The following MED13 variants were observed in gnomAD, a reference collection of about 807,000 sequenced individuals.
MED13 encodes the protein mediator complex subunit 13.
A neutral mutation model predicts 225.2 loss-of-function variants in MED13; 23 were observed. That is an observed-to-expected ratio of 0.10 (90% CI 0.07 to 0.14). The LOEUF (loss-of-function observed/expected upper bound fraction) is 0.14, where lower values mean the gene tolerates loss of function less well. Among genes scored for constraint, MED13 ranks in the 10% least tolerant of loss-of-function variants. The pLI, the probability that MED13 is intolerant of heterozygous loss-of-function variation, is 1.00. For missense variants in MED13, 2,197 were observed against 2,594.5 expected, an observed-to-expected ratio of 0.85 and a Z score of 3.33; for synonymous variants, 942 against 889.2, an observed-to-expected ratio of 1.06 and a Z score of -1.06.
At chr17:61,975,496 AT>A (rs1174917521) in intron 16 of MED13, among the ~76,000 whole-genome samples, 1 of 152,222 alleles carries the variant, frequency 6.6e-6, no homozygotes, top group Admixed American at 6.5e-5. Context: ...TGAAACCCTC[AT>A]ATATTGCTGG....
At chr17:61,990,289 CATACACACACAT>C (rs2080284465) in intron 11 of MED13, among the ~76,000 whole-genome samples, 1 of 152,010 alleles carries the variant, frequency 6.6e-6, no homozygotes, top group Non-Finnish European at 1.5e-5. Context: ...ACTATATATA[CATACACACACAT>C]ATACACACAC....
intron 29 of MED13, 92 bp downstream of exon 29, chr17:61,946,825 A>G (rs1299078516): frequency 2.3e-6 from 3 of 1,284,666 alleles, no homozygotes; most frequent in Non-Finnish European, 3.4e-6. Context: ...ACAACTGTAA[A>G]TTCTTGCCAA....
chr17:62,029,789 ATCT>A (rs975988112), intron 7 of MED13, 59 bp downstream of exon 7: 7 of 1,530,090 alleles, frequency 4.6e-6, no homozygotes, highest in Admixed American at 4.0e-5. Context: ...TACTTTAGAT[ATCT>A]TCTAATTATA....
intron 3 of MED13, among the ~76,000 whole-genome samples, chr17:62,041,701 G>A (rs896419613): frequency 3.9e-5 from 6 of 152,032 alleles, no homozygotes; most frequent in Non-Finnish European, 7.4e-5. Context: ...CTCAGCCAAC[G>A]AAGTTAGGTG....
intron 26 of MED13, 41 bp downstream of exon 26, chr17:61,955,341 G>A: frequency 1.4e-6 from 2 of 1,404,644 alleles, no homozygotes; most frequent in South Asian, 3.2e-5. Context: ...TTTATTTTGG[G>A]GGGTATTCTT....
At chr17:61,994,056 T>G (rs2080327048) in intron 10 of MED13, among the ~76,000 whole-genome samples, 1 of 152,060 alleles carries the variant, frequency 6.6e-6, no homozygotes, top group African/African-American at 2.4e-5. Flanking sequence ...AGAAGTTCAC[T>G]GGCATGATCT....
chr17:62,044,422 T>C (rs1385890468), intron 3 of MED13, among the ~76,000 whole-genome samples: 1 of 152,204 alleles, frequency 6.6e-6, no homozygotes, highest in East Asian at 1.9e-4. Context: ...CTGTGAACTT[T>C]TACTGCTTTA....
At chr17:61,998,036 CAA>C in intron 9 of MED13, among the ~76,000 whole-genome samples, 1 of 152,164 alleles carries the variant, frequency 6.6e-6, no homozygotes, top group African/African-American at 2.4e-5. Flanking sequence ...TCAAGAGTAT[CAA>C]GACACAATAA....
At chr17:62,063,778 ACACC>A (rs1180114965) in intron 1 of MED13, among the ~76,000 whole-genome samples, 1 of 152,230 alleles carries the variant, frequency 6.6e-6, no homozygotes, top group African/African-American at 2.4e-5. Context: ...TTCTTCACAC[ACACC>A]CCTGTCGGAA....
chr17:62,013,610 G>A (rs1163799662), intron 8 of MED13, among the ~76,000 whole-genome samples: 1 of 151,296 alleles, frequency 6.6e-6, no homozygotes, highest in Admixed American at 6.6e-5. Flanking sequence ...TCAAGATTAA[G>A]AACAAAGCAA....
chr17:62,035,702 C>A (rs2080796625), intron 3 of MED13, 94 bp from the exon 4 acceptor site: 1 of 1,222,314 alleles, frequency 8.2e-7, no homozygotes, highest in Non-Finnish European at 1.1e-6. Context: ...AAAATGCATA[C>A]CCTATTTTGC....
At chr17:62,008,947 C>T (rs1006806688) in intron 9 of MED13, among the ~76,000 whole-genome samples, 25 of 151,766 alleles carry the variant, frequency 1.6e-4, no homozygotes, top group African/African-American at 5.3e-4. Flanking sequence ...AAACATAAAT[C>T]GATAATGAAA....
chr17:61,980,759 G>A (rs917037118), intron 16 of MED13, among the ~76,000 whole-genome samples: 16 of 151,950 alleles, frequency 1.1e-4, no homozygotes, highest in Non-Finnish European at 2.2e-4. Flanking sequence ...CCACACAATA[G>A]CAACAGAGTG....
chr17:62,005,348 G>C (rs1795933898), intron 9 of MED13: 1 of 152,132 alleles, frequency 6.6e-6, no homozygotes, highest in South Asian at 2.1e-4. Context: ...GCTCGTGTCT[G>C]TAATCCCAGC....
At chr17:62,045,190 TA>T (rs1252844648) in intron 3 of MED13, among the ~76,000 whole-genome samples, 1 of 152,196 alleles carries the variant, frequency 6.6e-6, no homozygotes, top group Non-Finnish European at 1.5e-5. Context: ...ACTATATACG[TA>T]AGATACTGAA....
chr17:61,981,161 T>C (rs1460531643), intron 16 of MED13, among the ~76,000 whole-genome samples: 1 of 152,048 alleles, frequency 6.6e-6, no homozygotes, highest in Non-Finnish European at 1.5e-5. Flanking sequence ...TAGCTGGGAT[T>C]ATAGGCGCCC....
At chr17:62,050,113 C>T (rs534047357) in intron 3 of MED13, among the ~76,000 whole-genome samples, 4 of 152,084 alleles carry the variant, frequency 2.6e-5, no homozygotes, top group African/African-American at 9.6e-5. Context: ...AATCCCAGCA[C>T]TTTGGGAGGT....
At chr17:61,967,619 T>C (rs2080070256) in intron 18 of MED13, among the ~76,000 whole-genome samples, 1 of 152,162 alleles carries the variant, frequency 6.6e-6, no homozygotes, top group Non-Finnish European at 1.5e-5. Flanking sequence ...AGACCTGAAA[T>C]GGACCTTAGT....
intron 23 of MED13, among the ~76,000 whole-genome samples, chr17:61,959,697 AG>A (rs1372171065): frequency 2.0e-5 from 3 of 151,830 alleles, no homozygotes; most frequent in Non-Finnish European, 4.4e-5. Context: ...TTATATAATA[AG>A]GAAGAAAATA....
Sources: gnomAD v4.1 joint callset for allele counts (sites outside exome capture counted in the v4.1 genomes callset) on GRCh38, gnomAD v4.1.1 for gene constraint, MANE v1.5 for transcripts, NCBI Gene and HGNC (gene_info 2026-07-23, HGNC 2026-07-21) for gene names.